The following PLEKHA7 variants were observed in gnomAD, a reference collection of about 807,000 sequenced individuals.
PLEKHA7 encodes the protein pleckstrin homology domain containing A7.
A neutral mutation model predicts 170.0 loss-of-function variants in PLEKHA7; 104 were observed. The ratio of observed to expected loss-of-function variants is 0.61; its 90% CI spans 0.52 to 0.72. PLEKHA7 has a LOEUF of 0.72. PLEKHA7 is among the 30% of genes least tolerant of loss of function. PLEKHA7 has a pLI of 0.00. For synonymous variants in PLEKHA7, 648 were observed against 660.8 expected, an observed-to-expected ratio of 0.98 and a Z score of 0.30; for missense variants, 1,615 against 1,671.7, an observed-to-expected ratio of 0.97 and a Z score of 0.59.
intron 3 of PLEKHA7, among the ~76,000 whole-genome samples, chr11:17,011,152 G>A (rs1353963482): frequency 1.3e-5 from 2 of 152,104 alleles, no homozygotes; most frequent in African/African-American, 4.8e-5. Context: ...TCCCACACGC[G>A]GCCTCACACA....
chr11:16,995,321 C>A (rs908022554), intron 3 of PLEKHA7, among the ~76,000 whole-genome samples: 1 of 152,172 alleles, frequency 6.6e-6, no homozygotes, highest in Non-Finnish European at 1.5e-5. Context: ...ATCTACTGTG[C>A]CCAGGCCAGT....
chr11:16,844,163 C>T (rs1461027987), intron 8 of PLEKHA7, among the ~76,000 whole-genome samples: 1 of 152,104 alleles, frequency 6.6e-6, no homozygotes, highest in Non-Finnish European at 1.5e-5. Context: ...GACAACAGAT[C>T]CCTGCTGTAC....
intron 3 of PLEKHA7, among the ~76,000 whole-genome samples, chr11:16,893,313 AT>A (rs1240567646): frequency 3.9e-5 from 6 of 152,344 alleles, no homozygotes; most frequent in African/African-American, 1.4e-4. Flanking sequence ...TACTGTGGGC[AT>A]TTAGTTTGTT....
chr11:16,899,858 C>G (rs1857219500), intron 3 of PLEKHA7, among the ~76,000 whole-genome samples: 1 of 152,166 alleles, frequency 6.6e-6, no homozygotes, highest in South Asian at 2.1e-4. Context: ...ATGAACTGAA[C>G]TTTGCTCTTT....
intron 4 of PLEKHA7, among the ~76,000 whole-genome samples, chr11:16,869,489 A>C (rs1026976010): frequency 6.6e-6 from 1 of 152,238 alleles, no homozygotes; most frequent in Admixed American, 6.5e-5. Flanking sequence ...GGATGATCCT[A>C]TTAAATGAGA....
intron 3 of PLEKHA7, among the ~76,000 whole-genome samples, chr11:16,962,961 G>A (rs1043974811): frequency 6.6e-6 from 1 of 152,238 alleles, no homozygotes; most frequent in African/African-American, 2.4e-5. Flanking sequence ...TACAAGAGAA[G>A]CAAATGCATA....
intron 17 of PLEKHA7, among the ~76,000 whole-genome samples, chr11:16,796,372 G>A (rs1159008114): frequency 1.3e-5 from 2 of 152,214 alleles, no homozygotes; most frequent in Non-Finnish European, 2.9e-5. Context: ...CAACAAGGAT[G>A]ATCCTTGAAA....
chr11:16,863,767 A>C (rs1854167755), intron 4 of PLEKHA7, among the ~76,000 whole-genome samples: 1 of 152,160 alleles, frequency 6.6e-6, no homozygotes, highest in South Asian at 2.1e-4. Flanking sequence ...TGTGTCAAGG[A>C]CTACCCCTTT....
At chr11:16,880,472 C>T (rs1477374417) in intron 3 of PLEKHA7, among the ~76,000 whole-genome samples, 1 of 152,244 alleles carries the variant, frequency 6.6e-6, no homozygotes, top group East Asian at 1.9e-4. Flanking sequence ...TTATCTTCTG[C>T]TAACTCTAAA....
intron 3 of PLEKHA7, among the ~76,000 whole-genome samples, chr11:16,976,022 C>T (rs1342273292): frequency 1.3e-5 from 2 of 152,232 alleles, no homozygotes; most frequent in East Asian, 3.9e-4. Context: ...CATGAATGGT[C>T]TGCATCCCTC....
chr11:16,891,571 C>T (rs1856616501), intron 3 of PLEKHA7, among the ~76,000 whole-genome samples: 1 of 152,292 alleles, frequency 6.6e-6, no homozygotes, highest in South Asian at 2.1e-4. Flanking sequence ...AGTTTAGTGG[C>T]TTTGATTTAC....
Position 16,871,056 on chromosome 11 carries a change from C to T in PLEKHA7, c.305+43G>A, listed in dbSNP as rs962684446. ...TGTTTTCAGCAAATGCCTTTAGTCT[C>T]CCATACTCTGCCCAGATAAGGAGAA... On this transcript the variant is annotated intron_variant, in intron 4 of 26. Coordinates refer to ENST00000531066, the MANE Select transcript of PLEKHA7 (RefSeq NM_001329630.2). The T allele has an allele frequency of 3.4e-6, 5 of 1,471,542 alleles. No individual in the cohort carries two copies. The South Asian group carries it at 4.6e-5, about 13-fold the overall frequency. 91.2% of individuals were successfully genotyped at this position (1,471,542 alleles called of 1,614,324 possible).
chr11:16,786,105 T>C, intron 24 of PLEKHA7, 124 bp downstream of exon 24: 1 of 1,169,262 alleles, frequency 8.6e-7, no homozygotes, highest in South Asian at 1.5e-5. Context: ...TCCATCCTCC[T>C]AGGCCACACT....
At chr11:16,847,842 CAAAAAAAAAA>C (rs35191685) in intron 8 of PLEKHA7, among the ~76,000 whole-genome samples, 21 of 101,466 alleles carry the variant, frequency 2.1e-4, no homozygotes, top group African/African-American at 6.8e-4. Context: ...AATTCTGTCT[CAAAAAAAAAA>C]AAAAAAAAAA....
chr11:16,908,907 G>A (rs1251075942), intron 3 of PLEKHA7, among the ~76,000 whole-genome samples: 3 of 152,210 alleles, frequency 2.0e-5, no homozygotes, highest in South Asian at 2.1e-4. Flanking sequence ...TGGAGAAGAG[G>A]AGCAGGCAGG....
At chr11:16,995,957 T>A (rs1864314380) in intron 3 of PLEKHA7, among the ~76,000 whole-genome samples, 1 of 152,168 alleles carries the variant, frequency 6.6e-6, no homozygotes, top group South Asian at 2.1e-4. Context: ...GAATCTGAGC[T>A]AACTGGACAG....
intron 3 of PLEKHA7, among the ~76,000 whole-genome samples, chr11:16,882,167 T>C (rs1252014486): frequency 6.6e-6 from 1 of 152,138 alleles, no homozygotes; most frequent in African/African-American, 2.4e-5. Flanking sequence ...CCACAAATAT[T>C]TGAATGAAAA....
chr11:16,820,295 C>A (rs1850105800), intron 10 of PLEKHA7, among the ~76,000 whole-genome samples: 1 of 152,220 alleles, frequency 6.6e-6, no homozygotes, highest in African/African-American at 2.4e-5. Context: ...CCCTCTAAGT[C>A]TCACCTTCCT....
At chr11:16,900,716 A>G (rs182311649) in intron 3 of PLEKHA7, among the ~76,000 whole-genome samples, 1 of 152,292 alleles carries the variant, frequency 6.6e-6, no homozygotes, top group Non-Finnish European at 1.5e-5. Context: ...GAATGGCTCA[A>G]TTCCAACATC....
Sources: gnomAD v4.1 joint callset for allele counts (sites outside exome capture counted in the v4.1 genomes callset) on GRCh38, gnomAD v4.1.1 for gene constraint, MANE v1.5 for transcripts, NCBI Gene and HGNC (gene_info 2026-07-23, HGNC 2026-07-21) for gene names.